The following PTPRT variants were observed in gnomAD, a reference collection of about 807,000 sequenced individuals.
The protein encoded by PTPRT is protein tyrosine phosphatase receptor type T, also known as receptor-type tyrosine-protein phosphatase T.
PTPRT carries 56 observed loss-of-function variants against 176.8 expected under a neutral mutation model. The observed-to-expected ratio is 0.32, with a 90% CI of 0.26 to 0.40. The LOEUF (loss-of-function observed/expected upper bound fraction) is 0.40. Ranked by LOEUF, PTPRT falls within the 10% of genes least tolerant of loss-of-function variation. The probability of loss-of-function intolerance (pLI) is 1.00; values close to 1 mark genes in which losing one functional copy is unlikely to be tolerated. For missense variants in PTPRT, 1,540 were observed against 1,908.2 expected, an observed-to-expected ratio of 0.81 and a Z score of 3.60; for synonymous variants, 783 against 739.0, an observed-to-expected ratio of 1.06 and a Z score of -0.96.
the PTPRT span, among the ~76,000 whole-genome samples, chr20:42,067,479 T>G: frequency 2.7e-4 from 39 of 142,514 alleles, no homozygotes; most frequent in Non-Finnish European, 4.8e-4. Flanking sequence ...CCACATACTC[T>G]CCACCCCACT....
chr20:42,620,944 T>C (rs1007360992), intron 7 of PTPRT, among the ~76,000 whole-genome samples: 1 of 152,166 alleles, frequency 6.6e-6, no homozygotes, highest in Non-Finnish European at 1.5e-5. Flanking sequence ...GGTGTTCCTA[T>C]TCGGCCATCT....
chr20:42,595,883 G>T (rs2073662358), intron 7 of PTPRT, among the ~76,000 whole-genome samples: 1 of 152,164 alleles, frequency 6.6e-6, no homozygotes, highest in South Asian at 2.1e-4. Context: ...AGGGAAATCA[G>T]TACTGTGCCA....
intron 7 of PTPRT, among the ~76,000 whole-genome samples, chr20:42,505,175 G>A (rs968220720): frequency 6.6e-5 from 10 of 152,030 alleles, no homozygotes; most frequent in Admixed American, 2.6e-4. Flanking sequence ...CTTAAGTTAC[G>A]TAAATATGCC....
At position 42,874,589 on chromosome 20, in the gene PTPRT, T is replaced by C. The variant is rs563319927; in HGVS notation, c.214+11218A>G. Among the ~76,000 whole-genome samples the C allele has an allele frequency of 2.0e-5, 3 of 152,240 alleles. No individual in the cohort carries two copies. The East Asian group carries it at 5.8e-4, about 29-fold the overall frequency. On this transcript the variant is annotated intron_variant, in intron 2 of 30. Transcript: ENST00000373187. Reference sequence around the variant, plus strand: ...GTTTCATAAAATATTAATTGAAAAATAGAGAGTGGTTCAGGGCACAGATTC... The same window carrying C: ...GTTTCATAAAATATTAATTGAAAAACAGAGAGTGGTTCAGGGCACAGATTC...
At chr20:42,383,448 C>A (rs1014219357) in intron 9 of PTPRT, among the ~76,000 whole-genome samples, 1 of 151,812 alleles carries the variant, frequency 6.6e-6, no homozygotes, top group Non-Finnish European at 1.5e-5. Flanking sequence ...TTTGAATGGA[C>A]CAACCTGGCT....
At chr20:42,117,831 G>T (rs1478119988) in intron 21 of PTPRT, among the ~76,000 whole-genome samples, 1 of 152,152 alleles carries the variant, frequency 6.6e-6, no homozygotes, top group Non-Finnish European at 1.5e-5. Flanking sequence ...TTTTAAGATG[G>T]AAGGTACTGG....
intron 8 of PTPRT, among the ~76,000 whole-genome samples, chr20:42,461,658 G>T (rs2071022146): frequency 1.3e-5 from 2 of 152,220 alleles, no homozygotes; most frequent in Admixed American, 1.3e-4. Context: ...GTCAGATATT[G>T]CCAACTGGTT....
intron 1 of PTPRT, among the ~76,000 whole-genome samples, chr20:43,132,350 T>A (rs2013671236): frequency 6.6e-6 from 1 of 151,884 alleles, no homozygotes; most frequent in Non-Finnish European, 1.5e-5. Flanking sequence ...ATAGAAAAAA[T>A]GGAAAAAGAT....
intron 7 of PTPRT, among the ~76,000 whole-genome samples, chr20:42,574,022 C>T (rs1378985684): frequency 6.6e-6 from 1 of 152,116 alleles, no homozygotes; most frequent in Admixed American, 6.5e-5. Context: ...GCTGGGATTA[C>T]AGGCGTGAGC....
chr20:42,389,697 T>A (rs2058780954), intron 9 of PTPRT, among the ~76,000 whole-genome samples: 1 of 151,510 alleles, frequency 6.6e-6, no homozygotes, highest in South Asian at 2.1e-4. Flanking sequence ...CACAAAAAAA[T>A]TAAGAAATAC....
At chr20:43,003,426 T>A (rs1984693765) in intron 1 of PTPRT, among the ~76,000 whole-genome samples, 1 of 152,156 alleles carries the variant, frequency 6.6e-6, no homozygotes, top group East Asian at 1.9e-4. Context: ...GGTCTCTAAC[T>A]CCTGAGCTCA....
intron 7 of PTPRT, among the ~76,000 whole-genome samples, chr20:42,563,366 C>A (rs1301533656): frequency 6.6e-6 from 1 of 152,090 alleles, no homozygotes; most frequent in Non-Finnish European, 1.5e-5. Context: ...AGTTTTCAGA[C>A]AATTGATGGT....
chr20:43,189,774 C>A lies in PTPRT; in HGVS notation c.-41G>T. 1 of 1,093,266 alleles carries A rather than the reference C, an allele frequency of 9.1e-7. No individual in the cohort carries two copies. The highest frequency in any genetic ancestry group is 1.7e-5 in the African/African-American group (1 of 59,630). The allele number at this position is 1,093,266 out of a possible 1,614,324, so 67.7% of individuals were successfully genotyped here. A position where few individuals can be genotyped will look rare whatever the true frequency, so the allele number is the denominator to read the frequency against. ...CAGCTCAGCCCCTTCCCGCGGGGGC[C>A]GGGGCCGGGACTGGGGCGGGCGCGG... On this transcript the variant is annotated 5_prime_UTR_variant, in exon 1 of 31. Coordinates refer to ENST00000373187, the MANE Select transcript of PTPRT (RefSeq NM_007050.6). The surrounding 1 kb of genome is among the most constrained non-coding windows in gnomAD (Gnocchi z 5.0).
At chr20:42,106,756 G>T (rs1194017434) in intron 24 of PTPRT, 30 bp downstream of exon 24, 1 of 1,606,668 alleles carries the variant, frequency 6.2e-7, no homozygotes, top group South Asian at 1.1e-5. Flanking sequence ...GGCTACAGGT[G>T]GCCAACTGTC....
At chr20:42,342,269 T>A (rs2058123255) in intron 11 of PTPRT, among the ~76,000 whole-genome samples, 1 of 152,194 alleles carries the variant, frequency 6.6e-6, no homozygotes. Flanking sequence ...TCATCCCTTA[T>A]TCTTTATTTC....
chr20:42,189,599 G>A (rs1990916095), intron 16 of PTPRT, among the ~76,000 whole-genome samples: 1 of 152,200 alleles, frequency 6.6e-6, no homozygotes, highest in African/African-American at 2.4e-5. Flanking sequence ...GCAGAAATCA[G>A]ATTAGGAGTC....
intron 7 of PTPRT, among the ~76,000 whole-genome samples, chr20:42,570,259 C>T (rs959931841): frequency 2.0e-5 from 3 of 152,142 alleles, no homozygotes; most frequent in South Asian, 2.1e-4. Flanking sequence ...CCTGGAAACC[C>T]GCCGTGTCCC....
intron 11 of PTPRT, among the ~76,000 whole-genome samples, chr20:42,324,656 G>T (rs2057855593): frequency 1.3e-5 from 2 of 152,160 alleles, no homozygotes; most frequent in Non-Finnish European, 2.9e-5. Context: ...GGTTTTATAG[G>T]ATAAGATGGG....
chr20:42,638,658 C>G (rs1018020936), intron 7 of PTPRT, among the ~76,000 whole-genome samples: 8 of 152,086 alleles, frequency 5.3e-5, no homozygotes, highest in African/African-American at 1.7e-4. Flanking sequence ...AATACATACT[C>G]AAGCCACAAG....
Sources: gnomAD v4.1 joint callset for allele counts (sites outside exome capture counted in the v4.1 genomes callset) on GRCh38, gnomAD v4.1.1 for gene constraint, Gnocchi (gnomAD v3.1) non-coding constraint, MANE v1.5 for transcripts, NCBI Gene and HGNC (gene_info 2026-07-23, HGNC 2026-07-21) for gene names.